The following CFAP61 variants were observed in gnomAD, a reference collection of about 807,000 sequenced individuals.
CFAP61 encodes the protein cilia- and flagella-associated protein 61.
CFAP61 carries 107 observed loss-of-function variants against 135.6 expected under a neutral mutation model. That is an observed-to-expected ratio of 0.79 (90% CI 0.67 to 0.93). The LOEUF (loss-of-function observed/expected upper bound fraction) is 0.93. CFAP61 is among the 40% of genes least tolerant of loss of function. The pLI is 0.00. For synonymous variants in CFAP61, 575 were observed against 578.5 expected (o/e 0.99, Z 0.09); for missense variants, 1,507 against 1,556.2 (o/e 0.97, Z 0.53).
rs1387367123 is a variant in CFAP61, at chr20:20,098,764, C to T, written c.809C>T (p.Pro270Leu). ...GPFHGLCFPHPDDVLESPQDL... is the reference protein window; with the variant it reads ...GPFHGLCFPHLDDVLESPQDL... ...TTCCACGGACTCTGTTTCCCACATC[C>T]TGATGACGTTCTGGAATCACCACAA... The change falls in exon 8 of 27, where the codon CCT becomes CTT. Residue 270 changes from proline (P) to leucine (L), a missense_variant. Pro to Leu is a moderately conservative substitution (Grantham distance 98, BLOSUM62 -3). Transcript: ENST00000245957. 6.2e-7 allele frequency: 1 copy of T among 1,614,028 alleles called. No homozygotes were observed. The highest frequency in any genetic ancestry group is 1.7e-5 in the Admixed American group (1 of 59,984).
chr20:20,233,123 C>G (rs376914778), intron 18 of CFAP61, among the ~76,000 whole-genome samples: 1 of 152,190 alleles, frequency 6.6e-6, no homozygotes, highest in Non-Finnish European at 1.5e-5. Flanking sequence ...CTCCTGTTAT[C>G]GGGCCGTGCA....
chr20:20,209,833 C>T (rs1044743228), intron 17 of CFAP61, among the ~76,000 whole-genome samples: 41 of 152,068 alleles, frequency 2.7e-4, no homozygotes, highest in Non-Finnish European at 1.5e-4. Flanking sequence ...AGGGGAGGTA[C>T]CTGCTGCTTG....
At chr20:20,060,022 C>T (rs112321296) in intron 2 of CFAP61, among the ~76,000 whole-genome samples, 105 of 151,328 alleles carry the variant, frequency 6.9e-4, no homozygotes, top group African/African-American at 2.2e-3. Context: ...CTGTACCCAT[C>T]ATAATGAAAC....
intron 23 of CFAP61, among the ~76,000 whole-genome samples, chr20:20,289,207 G>A (rs1212701199): frequency 1.3e-5 from 2 of 152,128 alleles, no homozygotes; most frequent in African/African-American, 4.8e-5. Flanking sequence ...AACAGACAAG[G>A]GAATGATTAT....
intron 26 of CFAP61, among the ~76,000 whole-genome samples, chr20:20,343,395 C>T (rs1430110975): frequency 6.6e-6 from 1 of 152,148 alleles, no homozygotes; most frequent in Non-Finnish European, 1.5e-5. Flanking sequence ...AAGTTAAAAC[C>T]AAACAGCAGT....
chr20:20,095,126 G>GT (rs996084572), intron 7 of CFAP61, among the ~76,000 whole-genome samples: 18 of 151,252 alleles, frequency 1.2e-4, no homozygotes, highest in South Asian at 2.1e-4. Flanking sequence ...GTTCTTGAGG[G>GT]TTTTTTTTTA....
chr20:20,182,862 A>G (rs2055206702), intron 13 of CFAP61, among the ~76,000 whole-genome samples: 1 of 152,234 alleles, frequency 6.6e-6, no homozygotes, highest in African/African-American at 2.4e-5. Context: ...AAAATGCAAC[A>G]GGAGGAGATG....
chr20:20,301,530 A>C (rs1473601705), intron 25 of CFAP61, among the ~76,000 whole-genome samples: 1 of 152,236 alleles, frequency 6.6e-6, no homozygotes, highest in Non-Finnish European at 1.5e-5. Flanking sequence ...CAGACCTGCC[A>C]AGCCTTGGTA....
chr20:20,141,243 G>A (rs1467420878), intron 8 of CFAP61, among the ~76,000 whole-genome samples: 10 of 152,148 alleles, frequency 6.6e-5, no homozygotes, highest in Middle Eastern at 6.8e-3. Flanking sequence ...TTTTATAGGC[G>A]TTGGTTGTTC....
chr20:20,238,988 T>G (rs1172315791), intron 18 of CFAP61, among the ~76,000 whole-genome samples: 2 of 152,078 alleles, frequency 1.3e-5, no homozygotes, highest in African/African-American at 2.4e-5. Flanking sequence ...TGGTGACCTT[T>G]GATTTTGGAG....
chr20:20,292,932 C>T (rs1424806590), intron 24 of CFAP61, among the ~76,000 whole-genome samples: 3 of 148,392 alleles, frequency 2.0e-5, no homozygotes, highest in Non-Finnish European at 4.6e-5. Flanking sequence ...ATAGAGAATC[C>T]ATCTCTCAAG....
intron 13 of CFAP61, among the ~76,000 whole-genome samples, chr20:20,185,397 G>A (rs1363510397): frequency 6.6e-6 from 1 of 152,170 alleles, no homozygotes; most frequent in Non-Finnish European, 1.5e-5. Flanking sequence ...GGTGGTGGAG[G>A]CTGGACTAGC....
chr20:20,211,170 G>C (rs2047604593), intron 17 of CFAP61, among the ~76,000 whole-genome samples: 1 of 152,334 alleles, frequency 6.6e-6, no homozygotes, highest in East Asian at 1.9e-4. Flanking sequence ...AATGGCATTT[G>C]AGTTCATCAG....
chr20:20,304,657 T>G (rs1482083619), intron 25 of CFAP61, among the ~76,000 whole-genome samples: 2 of 151,850 alleles, frequency 1.3e-5, no homozygotes, highest in African/African-American at 4.8e-5. Flanking sequence ...CTTGGCAGTA[T>G]TTAGAATGGC....
intron 2 of CFAP61, 58 bp from the exon 3 acceptor site, chr20:20,070,796 G>A: frequency 6.5e-7 from 1 of 1,543,994 alleles, no homozygotes; most frequent in Non-Finnish European, 8.8e-7. Context: ...AAAATGGCAT[G>A]TCCTCACCTC....
intron 25 of CFAP61, among the ~76,000 whole-genome samples, chr20:20,320,015 GAACATGTAA>G (rs1288044240): frequency 6.6e-6 from 1 of 152,106 alleles, no homozygotes; most frequent in African/African-American, 2.4e-5. Flanking sequence ...GAGGATAGAG[GAACATGTAA>G]AACATGTAAA....
intron 26 of CFAP61, among the ~76,000 whole-genome samples, chr20:20,356,064 GTAGTGACACTGTGAGCAGAGAT>G (rs2059132948): frequency 7.1e-6 from 1 of 140,812 alleles, no homozygotes; most frequent in Non-Finnish European, 1.6e-5. Context: ...CTGAGGGGAG[GTAGTGACACTGTGAGCAGAGAT>G]GGTCACACTG....
chr20:20,094,408 A>G (rs956528726), intron 7 of CFAP61: 2 of 152,230 alleles, frequency 1.3e-5, no homozygotes, highest in Non-Finnish European at 2.9e-5. Context: ...AAGGATTTTC[A>G]TGACCAAACT....
chr20:20,303,877 G>A (rs998141204), intron 25 of CFAP61, among the ~76,000 whole-genome samples: 1 of 152,110 alleles, frequency 6.6e-6, no homozygotes, highest in Non-Finnish European at 1.5e-5. Flanking sequence ...GTTCCTCTCC[G>A]CATTCAGAGA....
Sources: gnomAD v4.1 joint callset for allele counts (sites outside exome capture counted in the v4.1 genomes callset) on GRCh38, gnomAD v4.1.1 for gene constraint, MANE v1.5 for transcripts, NCBI Gene and HGNC (gene_info 2026-07-23, HGNC 2026-07-21) for gene names.